FIG4: variants seen among roughly 807,000 people sequenced by gnomAD.
FIG4 encodes the protein polyphosphoinositide phosphatase.
A neutral mutation model predicts 118.6 loss-of-function variants in FIG4; 112 were observed. The ratio of observed to expected loss-of-function variants is 0.94; its 90% CI spans 0.81 to 1.11. FIG4 has a LOEUF of 1.11. Among genes scored for constraint, FIG4 ranks in the 50% least tolerant of loss-of-function variants. FIG4 has a pLI of 0.00. For missense variants in FIG4, 969 were observed against 1,111.7 expected (o/e 0.87, Z 1.83); for synonymous variants, 369 against 381.2 (o/e 0.97, Z 0.37).
At chr6:109,732,773 T>C (rs1199581872) in intron 5 of FIG4, 86 bp downstream of exon 5, 1 of 748,362 alleles carries the variant, frequency 1.3e-6, no homozygotes, top group Non-Finnish European at 2.3e-6. Flanking sequence ...GAGAACATAG[T>C]AGTACTTCTC....
intron 22 of FIG4, among the ~76,000 whole-genome samples, chr6:109,797,765 G>A (rs1055901460): frequency 1.3e-5 from 2 of 151,992 alleles, no homozygotes; most frequent in African/African-American, 4.8e-5. Context: ...GCATGGTGGT[G>A]CGTGCCTGTA....
In FIG4 at chr6:109,776,932, A is replaced by G; in HGVS notation, c.1761A>G (p.Arg587=). 6.2e-7 allele frequency: 1 copy of G among 1,613,294 alleles called. No individual in the cohort carries two copies. The highest frequency in any genetic ancestry group is 1.3e-5 in the African/African-American group (1 of 75,034). Residue 587 remains arginine (R), a synonymous_variant, in exon 16 of 23, where the codon AGA becomes AGG. Coordinates refer to ENST00000230124, the MANE Select transcript of FIG4 (RefSeq NM_014845.6). The part of the protein sequence containing the change: ...YYSNAFSDAD[R]QDSINLFLGV... ...TATTTTGCTTTTTAGATGCCGATAG[A>G]CAAGATTCCATTAATCTCTTCCTGG...
intron 22 of FIG4, among the ~76,000 whole-genome samples, chr6:109,816,324 C>T (rs537844357): frequency 6.6e-6 from 1 of 152,278 alleles, no homozygotes; most frequent in Non-Finnish European, 1.5e-5. Context: ...CTTAGGAAAA[C>T]TCTGAAAAGA....
At chr6:109,710,426 G>A (rs1775220187) in intron 1 of FIG4, among the ~76,000 whole-genome samples, 1 of 152,068 alleles carries the variant, frequency 6.6e-6, no homozygotes, top group Non-Finnish European at 1.5e-5. Flanking sequence ...TTTTTTTGTT[G>A]TATCTCTAAC....
rs184286452 is a variant in FIG4 at position 109,760,184 on chromosome 6, C to T, written c.1138-66C>T. On this transcript the variant is annotated intron_variant, in intron 10 of 22. Coordinates refer to ENST00000230124, the MANE Select transcript of FIG4 (RefSeq NM_014845.6). ...TGTCTTAGCTTAGCTTAAAAGTAAA[C>T]ATGTTGAGCCTGTTCCTCTGATTTA... is the stretch of plus-strand genomic sequence containing the variant. 2.4e-5 allele frequency: 33 copies of T among 1,394,378 alleles called. No homozygotes were observed. The East Asian group carries it at 5.0e-4, about 21-fold the overall frequency. 86.4% of individuals were successfully genotyped at this position (1,394,378 alleles called of 1,614,324 possible).
At chr6:109,760,745 A>G (rs931291598) in intron 11 of FIG4, among the ~76,000 whole-genome samples, 2 of 152,138 alleles carry the variant, frequency 1.3e-5, no homozygotes, top group Admixed American at 1.3e-4. Context: ...AGTAGATCCA[A>G]ACTCCTTAGT....
At chr6:109,750,693 C>G (rs1222934595) in intron 10 of FIG4, among the ~76,000 whole-genome samples, 1 of 152,136 alleles carries the variant, frequency 6.6e-6, no homozygotes, top group Admixed American at 6.6e-5. Flanking sequence ...TTTTCCTTTA[C>G]TTGTTAGGGG....
At chr6:109,818,302 G>T (rs1778917099) in intron 22 of FIG4, among the ~76,000 whole-genome samples, 3 of 152,018 alleles carry the variant, frequency 2.0e-5, no homozygotes, top group Admixed American at 2.0e-4. Flanking sequence ...CTGGGTTCAA[G>T]CAATTCTCCT....
At chr6:109,785,750 T>C (rs1777934646) in intron 17 of FIG4, 1 of 468,606 alleles carries the variant, frequency 2.1e-6, no homozygotes, top group South Asian at 1.6e-5. Context: ...ATCCCAACTT[T>C]GGGTGGGGAA....
chr6:109,822,781 G>GTA (rs1779040323), intron 22 of FIG4, among the ~76,000 whole-genome samples: 1 of 55,534 alleles, frequency 1.8e-5, no homozygotes, highest in African/African-American at 7.1e-5. Context: ...ATGTGTGTGT[G>GTA]TGTATGTATA....
chr6:109,791,881 TG>T (rs1778147766), intron 20 of FIG4, among the ~76,000 whole-genome samples: 1 of 152,204 alleles, frequency 6.6e-6, no homozygotes, highest in Non-Finnish European at 1.5e-5. Context: ...GGCACATTGT[TG>T]GATCACAGGA....
At chr6:109,760,197 T>A in intron 10 of FIG4, 53 bp from the exon 11 acceptor site, 1 of 1,509,054 alleles carries the variant, frequency 6.6e-7, no homozygotes, top group Non-Finnish European at 9.2e-7. Flanking sequence ...GTTGAGCCTG[T>A]TCCTCTGATT....
At position 109,748,605 on chromosome 6, in the gene FIG4, C is replaced by T. The variant is rs115394372; in HGVS notation, c.1137+4833C>T. Among the ~76,000 whole-genome samples, 325 of 152,192 alleles carry T rather than the reference C, an allele frequency of 2.1e-3. 3 individuals are homozygous for T. Among genetic ancestry groups the T allele is most frequent in the African/African-American group, 7.6e-3 (317 of 41,530 alleles). ...GGAGGTGGAGATACTGAAAGTCAGC[C>T]AGTGTATTAGTCTGTTTGCACACTG... On this transcript the variant is annotated intron_variant, in intron 10 of 22. Transcript: ENST00000230124.
intron 1 of FIG4, among the ~76,000 whole-genome samples, chr6:109,705,266 G>A (rs1775028970): frequency 1.3e-5 from 2 of 152,168 alleles, no homozygotes; most frequent in African/African-American, 2.4e-5. Flanking sequence ...AAATAAGAAC[G>A]AGTAGAAACA....
intron 1 of FIG4, among the ~76,000 whole-genome samples, chr6:109,710,936 A>G (rs1353486700): frequency 3.3e-5 from 5 of 151,540 alleles, no homozygotes; most frequent in Admixed American, 3.3e-4. Context: ...TGCCAGATTC[A>G]TTGACCTTTT....
At chr6:109,733,045 T>C (rs1776054318) in intron 5 of FIG4, among the ~76,000 whole-genome samples, 2 of 152,112 alleles carry the variant, frequency 1.3e-5, no homozygotes, top group Non-Finnish European at 2.9e-5. Context: ...TAGTAAATAA[T>C]CTGGCAAAAT....
rs767482828 is a variant in FIG4, at chr6:109,735,170, A to G, written c.518A>G (p.His173Arg). The G allele has an allele frequency of 1.9e-6, 3 of 1,612,826 alleles. No homozygotes were observed. The highest frequency in any genetic ancestry group is 1.7e-6 in the Non-Finnish European group (2 of 1,179,080). Residue 173 changes from histidine to arginine, a missense_variant, in exon 6 of 23, where the codon CAC (histidine) becomes CGC (arginine). Physicochemically the swap from His to Arg is conservative, Grantham distance 29. This residue lies in a region of FIG4 where 393 missense variants were observed against 409.4 expected (regional missense o/e 0.96). Coordinates refer to ENST00000230124, the MANE Select transcript of FIG4 (RefSeq NM_014845.6). ...FYFSYSYDLS[H>R]SLQYNLTVLR... ...CTCAGTTACAGCTATGATTTGTCCC[A>G]CTCACTTCAATATAATCTCACTGTC...
rs541979409 is a variant in FIG4, at chr6:109,695,301, G to A, written c.66+3800G>A. 2.0e-5 allele frequency among the ~76,000 whole-genome samples: 3 copies of A among 152,176 alleles called. No homozygotes were observed. The South Asian group carries it at 6.2e-4, about 32-fold the overall frequency. ...CTAAAGAAAAATGGGTGCCCTTTAAGGATTCTTTTTAAGATGAGGAAACAA... is the reference window on the plus strand; with the variant it reads ...CTAAAGAAAAATGGGTGCCCTTTAAAGATTCTTTTTAAGATGAGGAAACAA... On this transcript the variant is annotated intron_variant, in intron 1 of 22. Coordinates refer to ENST00000230124, the MANE Select transcript of FIG4 (RefSeq NM_014845.6).
At chr6:109,699,383 G>T (rs1393896666) in intron 1 of FIG4, among the ~76,000 whole-genome samples, 2 of 151,588 alleles carry the variant, frequency 1.3e-5, no homozygotes, top group Non-Finnish European at 2.9e-5. Flanking sequence ...TCTTGCTAGG[G>T]ATTTGAAAGA....
Sources: gnomAD v4.1 joint callset for allele counts (sites outside exome capture counted in the v4.1 genomes callset) on GRCh38, gnomAD v4.1.1 for gene constraint, gnomAD v4.1.1 regional missense constraint, MANE v1.5 for transcripts, NCBI Gene and HGNC (gene_info 2026-07-23, HGNC 2026-07-21) for gene names.